The following MMP26 variants were observed in gnomAD, a reference collection of about 807,000 sequenced individuals.
MMP26 encodes the protein matrix metalloproteinase-26.
In MMP26, 33 loss-of-function variants were observed where a neutral mutation model predicts 31.0. The observed-to-expected ratio is 1.06, with a 90% confidence interval of 0.81 to 1.42. The LOEUF (loss-of-function observed/expected upper bound fraction) is 1.42. Among genes scored for constraint, MMP26 ranks in the 40% most tolerant of loss-of-function variants. The pLI, the probability that MMP26 is intolerant of heterozygous loss-of-function variation, is 0.00. For missense variants in MMP26, 347 were observed against 316.1 expected (o/e 1.10, Z -0.74); for synonymous variants, 122 against 114.9 (o/e 1.06, Z -0.40).
At position 4,936,426 on chromosome 11, in the gene MMP26, C is replaced by T. The variant is rs537462524; in HGVS notation, c.-144-51642C>T. Among the ~76,000 whole-genome samples, 14 of 152,024 alleles carry T rather than the reference C, an allele frequency of 9.2e-5. No individual in the cohort carries two copies. The South Asian group carries it at 2.5e-3, about 27-fold the overall frequency. ...TTTCTGTAGGATTGGTGGTGATATC[C>T]CCTTTATCATTTTTTATTGTGTCTA... is the stretch of plus-strand genomic sequence containing the variant. On this transcript the variant is annotated intron_variant, in intron 2 of 7. Transcript: ENST00000380390.
intron 2 of MMP26, chr11:4,860,106 C>G (rs777926296): frequency 6.4e-6 from 3 of 470,994 alleles, no homozygotes; most frequent in South Asian, 4.6e-5. Context: ...CACAGACTGC[C>G]CGGGTGAGGA....
chr11:4,750,346 A>G (rs1436892913), intron 1 of MMP26, among the ~76,000 whole-genome samples: 1 of 152,100 alleles, frequency 6.6e-6, no homozygotes, highest in Non-Finnish European at 1.5e-5. Flanking sequence ...CAGTACCTCT[A>G]TGGAAAACTA....
chr11:4,768,858 T>C, intron 2 of MMP26: 3 of 522,318 alleles, frequency 5.7e-6, no homozygotes, highest in African/African-American at 1.9e-5. Context: ...TATTTACTAT[T>C]TGTTTGGTGA....
At position 4,750,922 on chromosome 11, in the gene MMP26, T is replaced by A. The variant is rs145841068; in HGVS notation, c.-216-16348T>A. Among the ~76,000 whole-genome samples the A allele has an allele frequency of 7.3e-3, 1,109 of 151,966 alleles. 16 individuals are homozygous for A. The highest frequency in any genetic ancestry group is 0.025 in the African/African-American group (1,045 of 41,488). On this transcript the variant is annotated intron_variant, in intron 1 of 7. Coordinates refer to ENST00000380390, the MANE Select transcript of MMP26 (RefSeq NM_021801.5). ...TTTGCCCCCTAAATCTATTTTTTTT[T>A]AAAGAATAGACAAGAAATACAGATT... is the stretch of plus-strand genomic sequence containing the variant.
chr11:4,722,605 G>A, intron 1 of MMP26: 1 of 572,794 alleles, frequency 1.7e-6, no homozygotes. Context: ...CTCCCCCGTG[G>A]GTGGGCTGAG....
chr11:4,779,292 A>G (rs1372933141), intron 2 of MMP26, among the ~76,000 whole-genome samples: 1 of 151,630 alleles, frequency 6.6e-6, no homozygotes, highest in Non-Finnish European at 1.5e-5. Context: ...TAGATTCATC[A>G]CTTTTTTCAT....
At chr11:4,886,040 G>A in intron 2 of MMP26, among the ~76,000 whole-genome samples, 1 of 152,086 alleles carries the variant, frequency 6.6e-6, no homozygotes, top group South Asian at 2.1e-4. Flanking sequence ...TGTTGATGCT[G>A]TGTTGCATTG....
chr11:4,891,597 A>G (rs1284085867), intron 2 of MMP26, among the ~76,000 whole-genome samples: 1 of 152,208 alleles, frequency 6.6e-6, no homozygotes, highest in Non-Finnish European at 1.5e-5. Context: ...GAAGCAGTCC[A>G]AAGTAAGGAC....
intron 2 of MMP26, chr11:4,890,146 T>C (rs1299820259): frequency 6.6e-6 from 1 of 152,262 alleles, no homozygotes; most frequent in Non-Finnish European, 1.5e-5. Flanking sequence ...CAGCCCCATT[T>C]TGGCAACTCT....
chr11:4,877,906 C>A lies in MMP26; in HGVS notation c.-144-110162C>A, dbSNP rs145942036. 21 of 152,212 alleles carry A rather than the reference C, an allele frequency of 1.4e-4. 1 individual carries two copies. The highest frequency in any genetic ancestry group is 4.8e-4 in the African/African-American group (20 of 41,556). The allele number at this position is 152,212 out of a possible 1,614,324, so 9.4% of individuals were successfully genotyped here. A position where few individuals can be genotyped will look rare whatever the true frequency, so the allele number is the denominator to read the frequency against. On this transcript the variant is annotated intron_variant, in intron 2 of 7. Transcript: ENST00000380390. ...AAACATTTATGTATAATAAAATTTA[C>A]TCACTTTGGTATATCGTTTTACAAG...
At chr11:4,895,437 G>A (rs1258942212) in intron 2 of MMP26, among the ~76,000 whole-genome samples, 1 of 152,130 alleles carries the variant, frequency 6.6e-6, no homozygotes, top group African/African-American at 2.4e-5. Context: ...TGTGAAGTCT[G>A]CTTTTCTGTT....
intron 2 of MMP26, among the ~76,000 whole-genome samples, chr11:4,960,875 C>T (rs1323752058): frequency 6.6e-6 from 1 of 151,842 alleles, no homozygotes; most frequent in East Asian, 1.9e-4. Context: ...AATGCAAAGG[C>T]ATATATTAAC....
intron 1 of MMP26, among the ~76,000 whole-genome samples, chr11:4,742,589 G>A (rs1352515541): frequency 6.6e-6 from 1 of 152,042 alleles, no homozygotes; most frequent in African/African-American, 2.4e-5. Context: ...AAAGCAGATG[G>A]CCTTCCTCAA....
intron 1 of MMP26, among the ~76,000 whole-genome samples, chr11:4,727,700 C>G (rs550281166): frequency 6.6e-6 from 1 of 152,192 alleles, no homozygotes; most frequent in East Asian, 1.9e-4. Context: ...ATCCCAGCTA[C>G]TTGGAGGCTG....
intron 2 of MMP26, among the ~76,000 whole-genome samples, chr11:4,975,296 A>G (rs1846722205): frequency 6.6e-6 from 1 of 152,102 alleles, no homozygotes; most frequent in South Asian, 2.1e-4. Flanking sequence ...TACTGTGGCT[A>G]ATACCAGTAT....
intron 1 of MMP26, chr11:4,723,680 G>T: frequency 1.1e-6 from 1 of 896,694 alleles, no homozygotes; most frequent in Non-Finnish European, 1.9e-6. Flanking sequence ...ATCAGCCCTT[G>T]CATGTTGCCA....
At chr11:4,849,942 A>G (rs1248575335) in intron 2 of MMP26, among the ~76,000 whole-genome samples, 2 of 152,164 alleles carry the variant, frequency 1.3e-5, no homozygotes, top group Admixed American at 6.5e-5. Flanking sequence ...AAGTCAGGGT[A>G]TTTAGGACAT....
intron 2 of MMP26, among the ~76,000 whole-genome samples, chr11:4,784,283 C>A (rs1848905232): frequency 6.6e-6 from 1 of 152,146 alleles, no homozygotes; most frequent in South Asian, 2.1e-4. Context: ...TGGCTGGTTT[C>A]CAAGGTGAGT....
At chr11:4,991,682 C>T (rs1283564385) in intron 6 of MMP26, among the ~76,000 whole-genome samples, 186 bp downstream of exon 6, 1 of 152,124 alleles carries the variant, frequency 6.6e-6, no homozygotes, top group Non-Finnish European at 1.5e-5. Context: ...ATAATAAACA[C>T]ATTGTCAGAT....
Sources: allele counts gnomAD v4.1 joint callset (sites outside exome capture counted in the v4.1 genomes callset), GRCh38; gene constraint gnomAD v4.1.1; transcripts MANE v1.5; gene names NCBI Gene and HGNC (gene_info 2026-07-23, HGNC 2026-07-21).